The following KCNIP4 variants were observed in gnomAD, a reference collection of about 807,000 sequenced individuals.
KCNIP4 encodes Kv channel-interacting protein 4.
Under a neutral mutation model 34.0 loss-of-function variants are expected in KCNIP4, and 12 were observed. The ratio of observed to expected loss-of-function variants is 0.35; its 90% CI spans 0.23 to 0.57. The LOEUF is 0.57. KCNIP4 is among the 20% of genes least tolerant of loss of function. KCNIP4 has a pLI of 0.83. For synonymous variants in KCNIP4, 124 were observed against 102.2 expected, an observed-to-expected ratio of 1.21 and a Z score of -1.29; for missense variants, 238 against 311.7, an observed-to-expected ratio of 0.76 and a Z score of 1.78.
intron 1 of KCNIP4, among the ~76,000 whole-genome samples, chr4:20,917,195 G>A (rs914090486): frequency 2.0e-5 from 3 of 150,654 alleles, no homozygotes; most frequent in Admixed American, 6.6e-5. Context: ...CCACCACCAC[G>A]CCCAGCTAAT....
chr4:21,538,666 G>A (rs996908290), intron 1 of KCNIP4, among the ~76,000 whole-genome samples: 4 of 152,054 alleles, frequency 2.6e-5, no homozygotes, highest in Non-Finnish European at 4.4e-5. Flanking sequence ...AAAATGGCAC[G>A]AAGTAGAAAC....
chr4:21,015,887 C>A (rs1400274915), intron 1 of KCNIP4, among the ~76,000 whole-genome samples: 16 of 134,758 alleles, frequency 1.2e-4, no homozygotes, highest in African/African-American at 3.9e-4. Context: ...TAAATATATA[C>A]AATATATACA....
intron 1 of KCNIP4, among the ~76,000 whole-genome samples, chr4:21,817,612 G>A (rs1722064631): frequency 6.6e-6 from 1 of 152,152 alleles, no homozygotes; most frequent in Admixed American, 6.5e-5. Context: ...AGGAATGTTA[G>A]TATTAATACC....
At chr4:21,831,052 C>A (rs764264268) in intron 1 of KCNIP4, among the ~76,000 whole-genome samples, 1 of 152,106 alleles carries the variant, frequency 6.6e-6, no homozygotes, top group Non-Finnish European at 1.5e-5. Context: ...TGCTCCCGAA[C>A]AACCAGTGGG....
At chr4:21,868,366 C>A (rs1725557152) in intron 1 of KCNIP4, among the ~76,000 whole-genome samples, 1 of 152,108 alleles carries the variant, frequency 6.6e-6, no homozygotes, top group African/African-American at 2.4e-5. Context: ...ATATGTACAA[C>A]TTTTATCTAT....
intron 1 of KCNIP4, among the ~76,000 whole-genome samples, chr4:21,117,505 T>C (rs1354275353): frequency 6.6e-6 from 1 of 152,164 alleles, no homozygotes; most frequent in African/African-American, 2.4e-5. Flanking sequence ...AACATCTAAT[T>C]GGCCTCTCAG....
At chr4:21,453,508 C>T (rs1259703758) in intron 1 of KCNIP4, among the ~76,000 whole-genome samples, 1 of 151,960 alleles carries the variant, frequency 6.6e-6, no homozygotes, top group Non-Finnish European at 1.5e-5. Context: ...TAAAATCCAA[C>T]ACCCTCACTC....
intron 1 of KCNIP4, among the ~76,000 whole-genome samples, chr4:21,219,162 C>T (rs1757815679): frequency 6.6e-6 from 1 of 152,142 alleles, no homozygotes; most frequent in Non-Finnish European, 1.5e-5. Flanking sequence ...TGGAAACAAG[C>T]TCTGTGGCTG....
chr4:20,751,669 CA>C (rs1753663180), intron 4 of KCNIP4, among the ~76,000 whole-genome samples: 1 of 152,008 alleles, frequency 6.6e-6, no homozygotes, highest in Admixed American at 6.6e-5. Context: ...TGGCTCAAAA[CA>C]ACGATGTTTG....
rs939238600 is a variant in KCNIP4 at position 21,714,785 on chromosome 4, G to GACTATATTTTATTTT, written c.61+233785_61+233786insAAAATAAAATATAGT. On this transcript the variant is annotated intron_variant, in intron 1 of 8. Transcript: ENST00000382152. ...AAGAATGTGTTAGTAATTTCCCTTT[G>GACTATATTTTATTTT]ATTATTTTATTTTATTTTATTTTAT... Among the ~76,000 whole-genome samples the GACTATATTTTATTTT allele has an allele frequency of 1.2e-4, 5 of 43,388 alleles. 2 individuals carry two copies. The highest frequency in any genetic ancestry group is 1.0e-3 in the African/African-American group (5 of 5,002). 28.5% of individuals were successfully genotyped at this position (43,388 alleles called of 152,430 possible).
chr4:21,427,200 G>C (rs898644428), intron 1 of KCNIP4, among the ~76,000 whole-genome samples: 1 of 151,694 alleles, frequency 6.6e-6, no homozygotes. Flanking sequence ...TTTAGAAAAA[G>C]GTATGATTTA....
intron 1 of KCNIP4, among the ~76,000 whole-genome samples, chr4:21,262,399 G>A (rs1047828234): frequency 2.6e-5 from 4 of 152,136 alleles, no homozygotes; most frequent in Non-Finnish European, 5.9e-5. Flanking sequence ...GCCTTTGACT[G>A]TACATGGAGA....
chr4:20,933,960 T>C lies in KCNIP4; in HGVS notation c.62-51251A>G, dbSNP rs534422007. 1.3e-3 allele frequency among the ~76,000 whole-genome samples: 204 copies of C among 152,284 alleles called. 1 individual carries two copies. The highest frequency in any genetic ancestry group is 3.7e-3 in the Admixed American group (56 of 15,284). ...AATGTGATATATTTCCACACTTCTA[T>C]TTGCATGTGTGCATTGAAGTGAAAA... is the stretch of plus-strand genomic sequence containing the variant. On this transcript the variant is annotated intron_variant, in intron 1 of 8. Coordinates refer to ENST00000382152, the MANE Select transcript of KCNIP4 (RefSeq NM_025221.6).
intron 1 of KCNIP4, among the ~76,000 whole-genome samples, chr4:21,725,352 A>G (rs1715115571): frequency 6.6e-6 from 1 of 152,162 alleles, no homozygotes; most frequent in Non-Finnish European, 1.5e-5. Flanking sequence ...AAAATTGGAT[A>G]CCTCAGATGT....
intron 1 of KCNIP4, among the ~76,000 whole-genome samples, chr4:21,399,195 A>G (rs530064566): frequency 7.2e-5 from 11 of 152,344 alleles, no homozygotes; most frequent in South Asian, 6.2e-4. Flanking sequence ...TGTGGCTCAG[A>G]AGTCTAACCA....
At chr4:21,497,004 G>A (rs181930393) in intron 1 of KCNIP4, among the ~76,000 whole-genome samples, 3 of 152,288 alleles carry the variant, frequency 2.0e-5, no homozygotes, top group Non-Finnish European at 4.4e-5. Context: ...AGGGGCATGT[G>A]GAGGGGGTCA....
intron 1 of KCNIP4, among the ~76,000 whole-genome samples, chr4:21,510,987 C>T (rs193109142): frequency 6.6e-6 from 1 of 151,942 alleles, no homozygotes; most frequent in Non-Finnish European, 1.5e-5. Flanking sequence ...GAGGTTGTAG[C>T]GAGCTGAGAT....
At chr4:21,265,897 C>T (rs1347658263) in intron 1 of KCNIP4, among the ~76,000 whole-genome samples, 1 of 152,182 alleles carries the variant, frequency 6.6e-6, no homozygotes, top group East Asian at 1.9e-4. Flanking sequence ...TGTCTATAAA[C>T]AAGGTAATTA....
intron 1 of KCNIP4, among the ~76,000 whole-genome samples, chr4:21,357,969 C>G (rs1339019198): frequency 6.6e-6 from 1 of 152,124 alleles, no homozygotes. Flanking sequence ...CACATATACA[C>G]CATGGAATAC....
Sources: gnomAD v4.1 joint callset for allele counts (sites outside exome capture counted in the v4.1 genomes callset) on GRCh38, gnomAD v4.1.1 for gene constraint, MANE v1.5 for transcripts, NCBI Gene and HGNC (gene_info 2026-07-23, HGNC 2026-07-21) for gene names.